Variants in GRIA1 observed in about 807,000 individuals in gnomAD.
The protein encoded by GRIA1 is glutamate receptor 1.
In GRIA1, 31 loss-of-function variants were observed where a neutral mutation model predicts 99.2. That is an observed-to-expected ratio of 0.31 (90% CI 0.23 to 0.42). The LOEUF (loss-of-function observed/expected upper bound fraction) is 0.42, where lower values mean the gene tolerates loss of function less well. GRIA1 is among the 10% of genes least tolerant of loss of function. The pLI, the probability that GRIA1 is intolerant of heterozygous loss-of-function variation, is 1.00. For missense variants in GRIA1, 782 were observed against 1,157.5 expected, an observed-to-expected ratio of 0.68 and a Z score of 4.71; for synonymous variants, 438 against 432.4, an observed-to-expected ratio of 1.01 and a Z score of -0.16.
chr5:153,700,663 C>T (rs151022764), intron 10 of GRIA1, among the ~76,000 whole-genome samples: 1 of 152,228 alleles, frequency 6.6e-6, no homozygotes, highest in Non-Finnish European at 1.5e-5. Flanking sequence ...CTGCCTTGTG[C>T]AGGGAAGGGA....
intron 15 of GRIA1, among the ~76,000 whole-genome samples, chr5:153,806,911 A>T (rs931052996): frequency 2.0e-5 from 3 of 152,208 alleles, no homozygotes; most frequent in Non-Finnish European, 4.4e-5. Context: ...CAGGAATTAG[A>T]ACTCCAACAT....
Position 153,490,971 on chromosome 5 carries a change from G to T in GRIA1, c.82+1G>T. 1 of 1,613,854 alleles carries T rather than the reference G, an allele frequency of 6.2e-7. No homozygotes were observed. Among genetic ancestry groups the T allele is most frequent in the Middle Eastern group, 1.7e-4 (1 of 6,056 alleles). On this transcript the variant is annotated splice_donor_variant, in intron 1 of 15. Transcript: ENST00000285900. LOFTEE classifies it high-confidence loss of function. ...AATTTCCCCAACAATATCCAGATCG[G>T]TGAGTGAGGGGGCAGCCTGGGGAGG...
At chr5:153,764,381 G>A (rs1763376920) in intron 11 of GRIA1, 53 bp from the exon 12 acceptor site, 1 of 1,427,734 alleles carries the variant, frequency 7.0e-7, no homozygotes, top group Non-Finnish European at 9.9e-7. Context: ...CCTCCCCAGA[G>A]CTTTCCACAG....
intron 8 of GRIA1, among the ~76,000 whole-genome samples, chr5:153,692,882 A>G (rs1478728254): frequency 6.6e-6 from 1 of 152,186 alleles, no homozygotes; most frequent in Non-Finnish European, 1.5e-5. Flanking sequence ...ATTTCAAAAG[A>G]TCTGCCAATA....
intron 11 of GRIA1, among the ~76,000 whole-genome samples, chr5:153,713,412 C>A (rs1047622911): frequency 5.3e-5 from 8 of 152,186 alleles, no homozygotes; most frequent in Non-Finnish European, 1.2e-4. Context: ...GTGGGGGTGG[C>A]CCCCATCATG....
At chr5:153,758,634 A>C (rs1192397914) in intron 11 of GRIA1, among the ~76,000 whole-genome samples, 1 of 152,022 alleles carries the variant, frequency 6.6e-6, no homozygotes, top group Admixed American at 6.5e-5. Context: ...AACACTTTCC[A>C]CAATAGAGAG....
chr5:153,585,158 A>G (rs1031593323), intron 2 of GRIA1, among the ~76,000 whole-genome samples: 2 of 152,142 alleles, frequency 1.3e-5, no homozygotes, highest in African/African-American at 4.8e-5. Context: ...TGAAAGTGCT[A>G]TTCCAAGTGC....
chr5:153,686,577 G>C (rs1757355126), intron 8 of GRIA1, among the ~76,000 whole-genome samples: 2 of 152,208 alleles, frequency 1.3e-5, no homozygotes, highest in South Asian at 4.1e-4. Context: ...GTCCCAGGAT[G>C]CTTGTGAAAA....
chr5:153,502,412 G>T (rs565574910), intron 2 of GRIA1, among the ~76,000 whole-genome samples: 25 of 152,314 alleles, frequency 1.6e-4, no homozygotes, highest in African/African-American at 5.5e-4. Context: ...AACAGGCTGT[G>T]CTGTAAATAC....
At chr5:153,760,124 A>C (rs1219319898) in intron 11 of GRIA1, among the ~76,000 whole-genome samples, 3 of 152,138 alleles carry the variant, frequency 2.0e-5, no homozygotes, top group Non-Finnish European at 4.4e-5. Flanking sequence ...TTTTCCCCTA[A>C]GATATGGAAC....
At chr5:153,552,157 G>T (rs1382533289) in intron 2 of GRIA1, among the ~76,000 whole-genome samples, 1 of 151,704 alleles carries the variant, frequency 6.6e-6, no homozygotes, top group Non-Finnish European at 1.5e-5. Context: ...CTTTTTAAGA[G>T]GAAGAGAGAA....
intron 8 of GRIA1, among the ~76,000 whole-genome samples, chr5:153,691,963 A>C (rs1757795569): frequency 6.6e-6 from 1 of 152,222 alleles, no homozygotes; most frequent in Admixed American, 6.5e-5. Context: ...CATGGCCCTC[A>C]GAGCCCTCAA....
At chr5:153,493,277 T>C (rs1253913623) in intron 1 of GRIA1, among the ~76,000 whole-genome samples, 2 of 152,196 alleles carry the variant, frequency 1.3e-5, no homozygotes, top group Non-Finnish European at 2.9e-5. Flanking sequence ...GTAACTGGGA[T>C]CATGTGTGGT....
At chr5:153,627,815 G>C (rs1488051504) in intron 2 of GRIA1, among the ~76,000 whole-genome samples, 1 of 152,200 alleles carries the variant, frequency 6.6e-6, no homozygotes, top group Non-Finnish European at 1.5e-5. Flanking sequence ...CGCCAGAAAA[G>C]TTGTATCATG....
intron 11 of GRIA1, among the ~76,000 whole-genome samples, chr5:153,711,239 C>T (rs1759297139): frequency 1.3e-5 from 2 of 152,180 alleles, no homozygotes; most frequent in African/African-American, 4.8e-5. Flanking sequence ...TAAAATACCA[C>T]TCTGGGGAGC....
chr5:153,534,151 T>C (rs1758339045), intron 2 of GRIA1, among the ~76,000 whole-genome samples: 1 of 152,200 alleles, frequency 6.6e-6, no homozygotes, highest in Admixed American at 6.5e-5. Flanking sequence ...ACAAAGCAAG[T>C]TGGAAGAAAA....
At chr5:153,510,583 T>A (rs1294827868) in intron 2 of GRIA1, among the ~76,000 whole-genome samples, 1 of 152,136 alleles carries the variant, frequency 6.6e-6, no homozygotes, top group Non-Finnish European at 1.5e-5. Flanking sequence ...GGAGGGTTTC[T>A]CCGGAGCTCT....
At chr5:153,620,025 A>G (rs1581345046) in intron 2 of GRIA1, among the ~76,000 whole-genome samples, 1 of 152,216 alleles carries the variant, frequency 6.6e-6, no homozygotes, top group East Asian at 1.9e-4. Context: ...AGCTAAAACA[A>G]GAAGCTTGTT....
chr5:153,576,831 C>A (rs1762563919), intron 2 of GRIA1, among the ~76,000 whole-genome samples: 2 of 152,148 alleles, frequency 1.3e-5, no homozygotes, highest in South Asian at 4.1e-4. Flanking sequence ...TGAGCTGATG[C>A]AATAATTTAG....
Sources: gnomAD v4.1 joint callset for allele counts (sites outside exome capture counted in the v4.1 genomes callset) on GRCh38, gnomAD v4.1.1 for gene constraint, MANE v1.5 for transcripts, NCBI Gene and HGNC (gene_info 2026-07-23, HGNC 2026-07-21) for gene names.